Variants in CCSER1 observed in about 807,000 individuals in gnomAD.
CCSER1 encodes the protein coiled-coil serine rich protein 1, also known as serine-rich coiled-coil domain-containing protein 1.
A neutral mutation model predicts 82.0 loss-of-function variants in CCSER1; 41 were observed. That is an observed-to-expected ratio of 0.50 (90% CI 0.39 to 0.65). The LOEUF (loss-of-function observed/expected upper bound fraction) is 0.65. Ranked by LOEUF, CCSER1 falls within the 30% of genes least tolerant of loss-of-function variation. CCSER1 has a pLI of 0.00. For synonymous variants in CCSER1, 414 were observed against 383.9 expected (o/e 1.08, Z -0.92); for missense variants, 1,119 against 1,064.2 (o/e 1.05, Z -0.72).
chr4:91,408,930 G>T (rs1402371918), intron 10 of CCSER1, among the ~76,000 whole-genome samples: 1 of 152,076 alleles, frequency 6.6e-6, no homozygotes, highest in Non-Finnish European at 1.5e-5. Flanking sequence ...AATGATAATG[G>T]ATACCCTCAG....
intron 9 of CCSER1, among the ~76,000 whole-genome samples, chr4:91,045,447 T>G (rs922018994): frequency 1.8e-4 from 28 of 151,450 alleles, no homozygotes; most frequent in African/African-American, 6.8e-4. Flanking sequence ...ATAGAGATAT[T>G]GCCTGCATAC....
chr4:91,080,759 C>G (rs955969300), intron 9 of CCSER1, among the ~76,000 whole-genome samples: 1 of 152,140 alleles, frequency 6.6e-6, no homozygotes, highest in Non-Finnish European at 1.5e-5. Flanking sequence ...CACAGAAATA[C>G]AAACTACCAT....
intron 5 of CCSER1, among the ~76,000 whole-genome samples, chr4:90,556,463 C>T (rs1021756951): frequency 2.0e-5 from 3 of 151,926 alleles, no homozygotes; most frequent in East Asian, 1.9e-4. Flanking sequence ...AGTGGCCGAA[C>T]GCTTGTGCAG....
At chr4:90,436,947 C>G (rs1445078636) in intron 4 of CCSER1, among the ~76,000 whole-genome samples, 3 of 152,004 alleles carry the variant, frequency 2.0e-5, no homozygotes, top group Non-Finnish European at 2.9e-5. Context: ...GCTGGGACTA[C>G]AGCCTCCCGA....
At chr4:90,181,028 T>C (rs1733643649) in intron 1 of CCSER1, among the ~76,000 whole-genome samples, 1 of 152,068 alleles carries the variant, frequency 6.6e-6, no homozygotes, top group Non-Finnish European at 1.5e-5. Flanking sequence ...CTTCATGTGT[T>C]GTTGTGAAGG....
At chr4:91,234,526 G>A (rs1738856802) in intron 10 of CCSER1, among the ~76,000 whole-genome samples, 1 of 152,052 alleles carries the variant, frequency 6.6e-6, no homozygotes, top group Non-Finnish European at 1.5e-5. Context: ...ATGCAGGATA[G>A]AATTTATCTT....
intron 10 of CCSER1, among the ~76,000 whole-genome samples, chr4:91,166,645 T>C (rs1732110501): frequency 6.6e-6 from 1 of 152,224 alleles, no homozygotes; most frequent in African/African-American, 2.4e-5. Context: ...ATTTTAACTT[T>C]TTCCTCTCTT....
At chr4:90,343,700 G>GT (rs371319397) in intron 3 of CCSER1, among the ~76,000 whole-genome samples, 53 of 152,116 alleles carry the variant, frequency 3.5e-4, no homozygotes, top group African/African-American at 1.2e-3. Flanking sequence ...AGACTTTTTG[G>GT]TAACACAAAG....
At chr4:91,189,715 T>C (rs1348957908) in intron 10 of CCSER1, among the ~76,000 whole-genome samples, 1 of 152,126 alleles carries the variant, frequency 6.6e-6, no homozygotes, top group Admixed American at 6.6e-5. Flanking sequence ...AAGGATTATA[T>C]ATATATTGTA....
At chr4:91,466,320 C>G (rs910138696) in intron 10 of CCSER1, among the ~76,000 whole-genome samples, 4 of 152,100 alleles carry the variant, frequency 2.6e-5, no homozygotes, top group Non-Finnish European at 5.9e-5. Context: ...ATGCTAAAAA[C>G]TCTCAATAAA....
intron 10 of CCSER1, among the ~76,000 whole-genome samples, chr4:91,156,081 G>A (rs993277759): frequency 4.6e-5 from 7 of 151,740 alleles, no homozygotes; most frequent in African/African-American, 1.7e-4. Flanking sequence ...CAAAATAGAG[G>A]GGGTAGATAC....
intron 6 of CCSER1, among the ~76,000 whole-genome samples, chr4:90,651,686 A>AT (rs748304549): frequency 3.3e-5 from 3 of 90,698 alleles, no homozygotes; most frequent in Non-Finnish European, 8.1e-5. Context: ...TTAAAGTATA[A>AT]TTAAAAAAAA....
At position 91,457,447 on chromosome 4, in the gene CCSER1, C is replaced by T. The variant is rs569107019; in HGVS notation, c.2218-141125C>T. Among the ~76,000 whole-genome samples the T allele has an allele frequency of 5.9e-5, 9 of 151,974 alleles. No individual in the cohort carries two copies. The South Asian group carries it at 6.2e-4, about 10-fold the overall frequency. The stretch of plus-strand genomic sequence containing the variant: ...TTTGGGACCCCAAGACAGGAGATCA[C>T]TTGAGCCAGGAATTTGAGATCAGCC... On this transcript the variant is annotated intron_variant, in intron 10 of 10. Coordinates refer to ENST00000509176, the MANE Select transcript of CCSER1 (RefSeq NM_001145065.2).
chr4:90,268,018 A>G (rs1428630218), intron 1 of CCSER1, among the ~76,000 whole-genome samples: 1 of 152,220 alleles, frequency 6.6e-6, no homozygotes, highest in African/African-American at 2.4e-5. Context: ...ATGAAGGAAA[A>G]AAACCTTTTA....
intron 5 of CCSER1, among the ~76,000 whole-genome samples, chr4:90,551,974 C>T (rs1258680133): frequency 6.6e-6 from 1 of 151,964 alleles, no homozygotes; most frequent in Non-Finnish European, 1.5e-5. Flanking sequence ...CAAAGTGGCA[C>T]CTTGATGTTG....
intron 10 of CCSER1, among the ~76,000 whole-genome samples, chr4:91,115,709 A>G (rs982650746): frequency 2.6e-5 from 4 of 151,868 alleles, no homozygotes; most frequent in African/African-American, 9.7e-5. Context: ...TGTTGAATGC[A>G]TGAGTAAATA....
chr4:90,616,689 A>T (rs1420169319), intron 5 of CCSER1, among the ~76,000 whole-genome samples: 36 of 55,450 alleles, frequency 6.5e-4, no homozygotes, highest in Non-Finnish European at 9.9e-4. Context: ...TGTCTCACAC[A>T]CACACACACA....
At chr4:90,964,336 A>G (rs1734326974) in intron 9 of CCSER1, among the ~76,000 whole-genome samples, 1 of 152,166 alleles carries the variant, frequency 6.6e-6, no homozygotes, top group Admixed American at 6.6e-5. Flanking sequence ...CTGCCTGGTA[A>G]TAGAGAAAAT....
chr4:90,627,967 A>T (rs1723622357), intron 5 of CCSER1, 58 bp from the exon 6 acceptor site: 1 of 1,342,910 alleles, frequency 7.4e-7, no homozygotes, highest in South Asian at 1.2e-5. Context: ...ACAACTTGGG[A>T]AATACTGCTC....
Sources: allele counts gnomAD v4.1 joint callset (sites outside exome capture counted in the v4.1 genomes callset), GRCh38; gene constraint gnomAD v4.1.1; transcripts MANE v1.5; gene names NCBI Gene and HGNC (gene_info 2026-07-23, HGNC 2026-07-21).